Variants in ATAD2B observed in about 807,000 individuals in gnomAD.
ATAD2B encodes the protein ATPase family AAA domain-containing protein 2B.
In ATAD2B, 40 loss-of-function variants were observed where a neutral mutation model predicts 167.6. The observed-to-expected ratio is 0.24, with a 90% CI of 0.19 to 0.31. The LOEUF (loss-of-function observed/expected upper bound fraction) is 0.31. Among genes scored for constraint, ATAD2B ranks in the 10% least tolerant of loss-of-function variants. The pLI, the probability that ATAD2B is intolerant of heterozygous loss-of-function variation, is 1.00. For missense variants in ATAD2B, 1,242 were observed against 1,757.2 expected (o/e 0.71, Z 5.24); for synonymous variants, 579 against 596.5 (o/e 0.97, Z 0.43).
At chr2:23,803,784 G>A (rs1475285256) in intron 18 of ATAD2B, among the ~76,000 whole-genome samples, 1 of 152,002 alleles carries the variant, frequency 6.6e-6, no homozygotes, top group Non-Finnish European at 1.5e-5. Flanking sequence ...TATCAAGTAG[G>A]GTCTCCCACC....
At chr2:23,737,966 G>C in the ATAD2B span, among the ~76,000 whole-genome samples, 1 of 152,122 alleles carries the variant, frequency 6.6e-6, no homozygotes, top group African/African-American at 2.4e-5. Context: ...AAGACGAAAT[G>C]AATGAAATGA....
intron 11 of ATAD2B, among the ~76,000 whole-genome samples, chr2:23,864,497 A>G (rs1186897942): frequency 6.6e-6 from 1 of 152,142 alleles, no homozygotes; most frequent in Non-Finnish European, 1.5e-5. Context: ...AGAGTAAATA[A>G]CATATAGCAT....
At chr2:23,876,668 G>A (rs558827993) in intron 7 of ATAD2B, among the ~76,000 whole-genome samples, 75 of 152,228 alleles carry the variant, frequency 4.9e-4, no homozygotes, top group African/African-American at 1.6e-3. Flanking sequence ...GAAGCAAAAT[G>A]AAAATAAAAA....
intron 23 of ATAD2B, among the ~76,000 whole-genome samples, chr2:23,764,881 A>G (rs1010757969): frequency 2.6e-5 from 4 of 152,170 alleles, no homozygotes; most frequent in African/African-American, 9.7e-5. Flanking sequence ...CTAGTCCATT[A>G]GAGAGAACAC....
the ATAD2B span, among the ~76,000 whole-genome samples, chr2:23,682,126 C>G: frequency 2.0e-5 from 3 of 152,180 alleles, no homozygotes; most frequent in South Asian, 6.2e-4. The surrounding 1 kb of genome is among the most constrained non-coding windows in gnomAD (Gnocchi z 4.1). Context: ...CTCCCCACTT[C>G]CTTCCTGCAC....
intron 21 of ATAD2B, among the ~76,000 whole-genome samples, chr2:23,784,423 T>C (rs1234979235): frequency 1.3e-5 from 2 of 152,028 alleles, no homozygotes; most frequent in Non-Finnish European, 2.9e-5. Flanking sequence ...AGAACGAACC[T>C]AAGAAGAAAG....
At chr2:23,829,716 A>G (rs1688761479) in intron 14 of ATAD2B, among the ~76,000 whole-genome samples, 1 of 152,168 alleles carries the variant, frequency 6.6e-6, no homozygotes, top group Admixed American at 6.5e-5. Flanking sequence ...TGATTACGCC[A>G]CTGCATGCCA....
chr2:23,723,892 T>G, the ATAD2B span, among the ~76,000 whole-genome samples: 1 of 152,084 alleles, frequency 6.6e-6, no homozygotes, highest in African/African-American at 2.4e-5. Context: ...CAACAACAGA[T>G]GAATAAAGAA....
chr2:23,791,844 G>A (rs1295253910), intron 19 of ATAD2B, among the ~76,000 whole-genome samples: 3 of 152,084 alleles, frequency 2.0e-5, no homozygotes, highest in Admixed American at 2.0e-4. Context: ...GTGAACATGG[G>A]TGTGCAAATA....
At chr2:23,821,625 A>G (rs1687462734) in intron 16 of ATAD2B, among the ~76,000 whole-genome samples, 1 of 152,154 alleles carries the variant, frequency 6.6e-6, no homozygotes, top group African/African-American at 2.4e-5. Context: ...TGTTAGTATA[A>G]TTCTCTGAAT....
chr2:23,834,683 A>G (rs1305569803), intron 13 of ATAD2B, among the ~76,000 whole-genome samples: 1 of 152,184 alleles, frequency 6.6e-6, no homozygotes, highest in East Asian at 1.9e-4. Flanking sequence ...TTTGTAAATC[A>G]TATATTTGAT....
At chr2:23,913,319 G>T (rs920553835) in intron 1 of ATAD2B, among the ~76,000 whole-genome samples, 1 of 152,156 alleles carries the variant, frequency 6.6e-6, no homozygotes, top group Admixed American at 6.5e-5. Flanking sequence ...TAAAATCTAT[G>T]AATTCAATAT....
At chr2:23,735,638 T>C in the ATAD2B span, among the ~76,000 whole-genome samples, 12 of 152,190 alleles carry the variant, frequency 7.9e-5, no homozygotes, top group Non-Finnish European at 1.6e-4. Flanking sequence ...TTAATCAAAA[T>C]ACTAACTTGA....
At chr2:23,709,295 G>A in the ATAD2B span, among the ~76,000 whole-genome samples, 4 of 152,144 alleles carry the variant, frequency 2.6e-5, no homozygotes, top group Non-Finnish European at 5.9e-5. Flanking sequence ...ACCCACCTCA[G>A]CCTCCGAAAG....
chr2:23,806,855 C>T (rs896304115), intron 18 of ATAD2B, among the ~76,000 whole-genome samples: 1 of 152,162 alleles, frequency 6.6e-6, no homozygotes, highest in Admixed American at 6.5e-5. Flanking sequence ...AAGCAACTTG[C>T]CCAAGTCACA....
intron 5 of ATAD2B, among the ~76,000 whole-genome samples, chr2:23,885,508 T>C (rs192536985): frequency 6.6e-6 from 1 of 152,300 alleles, no homozygotes; most frequent in East Asian, 1.9e-4. Context: ...TTAAGGTGAC[T>C]CATCCAGCAA....
chr2:23,680,861 T>C, the ATAD2B span, among the ~76,000 whole-genome samples: 1 of 152,108 alleles, frequency 6.6e-6, no homozygotes, highest in Non-Finnish European at 1.5e-5. The surrounding 1 kb of genome is among the most constrained non-coding windows in gnomAD (Gnocchi z 4.1). Flanking sequence ...AGCAGGATAG[T>C]GCAGGGTGCC....
the ATAD2B span, among the ~76,000 whole-genome samples, chr2:23,740,265 C>A: frequency 6.6e-6 from 1 of 152,180 alleles, no homozygotes. Context: ...GAATTTCAGA[C>A]CAATATCCCT....
At chr2:23,898,440 C>T (rs1425257682) in intron 1 of ATAD2B, among the ~76,000 whole-genome samples, 1 of 152,202 alleles carries the variant, frequency 6.6e-6, no homozygotes, top group Non-Finnish European at 1.5e-5. Context: ...ATCCACCTAT[C>T]AGTTGTAAGC....
Sources: gnomAD v4.1 joint callset for allele counts (sites outside exome capture counted in the v4.1 genomes callset) on GRCh38, gnomAD v4.1.1 for gene constraint, Gnocchi (gnomAD v3.1) non-coding constraint, MANE v1.5 for transcripts, NCBI Gene and HGNC (gene_info 2026-07-23, HGNC 2026-07-21) for gene names.